KMT5B: variants seen among roughly 807,000 people sequenced by gnomAD.
The protein encoded by KMT5B is histone-lysine N-methyltransferase KMT5B.
A neutral mutation model predicts 83.2 loss-of-function variants in KMT5B; 10 were observed. That is an observed-to-expected ratio of 0.12 (90% CI 0.07 to 0.20). The LOEUF (loss-of-function observed/expected upper bound fraction) is 0.20, where lower values mean the gene tolerates loss of function less well. Among genes scored for constraint, KMT5B ranks in the 10% least tolerant of loss-of-function variants. KMT5B has a pLI of 1.00. For synonymous variants in KMT5B, 349 were observed against 388.8 expected (o/e 0.90, Z 1.20); for missense variants, 753 against 1,067.2 (o/e 0.71, Z 4.10).
chr11:68,168,863 G>A (rs1855572933), intron 9 of KMT5B, among the ~76,000 whole-genome samples: 1 of 152,088 alleles, frequency 6.6e-6, no homozygotes, highest in South Asian at 2.1e-4. Flanking sequence ...TCACTGAACT[G>A]CCCTGACAGC....
Position 68,159,062 on chromosome 11 carries a change from C to T in KMT5B, c.1284G>A (p.Lys428=), listed in dbSNP as rs922710641. The T allele has an allele frequency of 1.9e-6, 3 of 1,612,890 alleles. No individual in the cohort carries two copies. The highest frequency in any genetic ancestry group is 2.5e-6 in the Non-Finnish European group (3 of 1,179,836). Residue 428 remains lysine, a synonymous_variant, in exon 11 of 11, where the codon AAG becomes AAA. Coordinates refer to ENST00000304363, the MANE Select transcript of KMT5B (RefSeq NM_017635.5). Reference sequence around the variant, plus strand: ...CCCTGGAATTATTTATATGAGTTAGCTTAGATGAGGTAGAGTTGGAAGAAG... The same window carrying T: ...CCCTGGAATTATTTATATGAGTTAGTTTAGATGAGGTAGAGTTGGAAGAAG... ...IPASSNSTSS[K]LTHINNSRVP...
At position 68,157,912 on chromosome 11, in the gene KMT5B, G is replaced by A. The variant is rs1565212298; in HGVS notation, c.2434C>T (p.Arg812Ter). The change falls in exon 11 of 11, where the codon CGA becomes TGA. Residue 812 changes from arginine to a stop codon, truncating the protein, a stop_gained. Transcript: ENST00000304363. LOFTEE classifies it high-confidence loss of function. ...TGACTATAGTCATCCACCTCCATTC[G>A]AGACTCCAAGAGAGAAAGAGGATCA... ...CSDPLSLLESRMEVDDYSQYE... is the reference protein window; with the variant it reads ...CSDPLSLLES The A allele has an allele frequency of 6.2e-7, 1 of 1,613,912 alleles. No individual in the cohort carries two copies.
chr11:68,187,612 T>C (rs1484584285), intron 2 of KMT5B, among the ~76,000 whole-genome samples: 2 of 152,230 alleles, frequency 1.3e-5, no homozygotes, highest in Non-Finnish European at 2.9e-5. Flanking sequence ...ATATGTTCTA[T>C]CCTGGAATGC....
intron 1 of KMT5B, among the ~76,000 whole-genome samples, chr11:68,199,339 T>C (rs1859128319): frequency 6.6e-6 from 1 of 151,886 alleles, no homozygotes; most frequent in Non-Finnish European, 1.5e-5. Flanking sequence ...GTGTTTCAGG[T>C]GGAGAAGGAG....
At chr11:68,180,007 G>T in intron 4 of KMT5B, 125 bp downstream of exon 4, 1 of 1,144,834 alleles carries the variant, frequency 8.7e-7, no homozygotes, top group Non-Finnish European at 1.2e-6. Flanking sequence ...TACTTTAAAA[G>T]GTTTGTAAAA....
In KMT5B at chr11:68,171,785, G is replaced by T. The variant is rs750168122; in HGVS notation, c.654-76C>A. On this transcript the variant is annotated intron_variant, in intron 6 of 10. Coordinates refer to ENST00000304363, the MANE Select transcript of KMT5B (RefSeq NM_017635.5). The surrounding 1 kb of genome is among the most constrained non-coding windows in gnomAD (Gnocchi z 5.1). ...AGGCTTCTTTTAATAAAATAATCCT[G>T]ACAATAAATATCAGAAACTGAAAAG... 2 of 1,203,312 alleles carry T rather than the reference G, an allele frequency of 1.7e-6. No individual in the cohort carries two copies. Among genetic ancestry groups the T allele is most frequent in the Non-Finnish European group, 2.3e-6 (2 of 854,374 alleles). 74.5% of individuals were successfully genotyped at this position (1,203,312 alleles called of 1,614,324 possible). A position where few individuals can be genotyped will look rare whatever the true frequency, so the allele number is the denominator to read the frequency against.
intron 1 of KMT5B, among the ~76,000 whole-genome samples, chr11:68,198,133 C>T (rs1481831247): frequency 6.6e-6 from 1 of 152,154 alleles, no homozygotes; most frequent in Non-Finnish European, 1.5e-5. Context: ...GAAAACATCC[C>T]AGCACTTTGG....
In KMT5B at chr11:68,213,222, C is replaced by A. The variant is rs1267644061; in HGVS notation, c.-161G>T. 6.9e-6 allele frequency: 1 copy of A among 145,840 alleles called. No homozygotes were observed. The highest frequency in any genetic ancestry group is 2.0e-4 in the East Asian group (1 of 5,064). The allele number at this position is 145,840 out of a possible 1,614,324, so 9.0% of individuals were successfully genotyped here. On this transcript the variant is annotated 5_prime_UTR_variant, in exon 1 of 11. Coordinates refer to ENST00000304363, the MANE Select transcript of KMT5B (RefSeq NM_017635.5). ...CGATGCGGGGCCGCGCCGCCGGGCC[C>A]CGCGTCCCAGTCCCCCCCAGAAAAT... is the stretch of plus-strand genomic sequence containing the variant.
intron 1 of KMT5B, among the ~76,000 whole-genome samples, chr11:68,204,324 T>C (rs141491282): frequency 6.6e-6 from 1 of 152,194 alleles, no homozygotes; most frequent in Non-Finnish European, 1.5e-5. Flanking sequence ...GAAGATGTTA[T>C]AAAAAATTTT....
Position 68,157,611 on chromosome 11 carries a change from T to C in KMT5B, c.*77A>G. On this transcript the variant is annotated 3_prime_UTR_variant, in exon 11 of 11. Coordinates refer to ENST00000304363, the MANE Select transcript of KMT5B (RefSeq NM_017635.5). Reference sequence around the variant, plus strand: ...GACAATAGAAGTGCTGCCACTAAACTTTCAGTTGAGGAATAATTGACTGGA... The same window carrying C: ...GACAATAGAAGTGCTGCCACTAAACCTTCAGTTGAGGAATAATTGACTGGA... 1 of 1,484,864 alleles carries C rather than the reference T, an allele frequency of 6.7e-7. No individual in the cohort carries two copies. The highest frequency in any genetic ancestry group is 8.9e-7 in the Non-Finnish European group (1 of 1,123,294). The allele number at this position is 1,484,864 out of a possible 1,614,324, so 92.0% of individuals were successfully genotyped here.
chr11:68,213,509 C>G (rs1489249483), upstream of KMT5B: 1 of 151,368 alleles, frequency 6.6e-6, no homozygotes, highest in East Asian at 2.0e-4. Flanking sequence ...GTACGAAAAC[C>G]GTCCGCCGGC....
At chr11:68,174,786 T>TCCCATCTTAGCC (rs1291198895) in intron 5 of KMT5B, among the ~76,000 whole-genome samples, 1 of 152,096 alleles carries the variant, frequency 6.6e-6, no homozygotes, top group Non-Finnish European at 1.5e-5. Context: ...CAAGCAATAC[T>TCCCATCTTAGCC]CCCATCTTAG....
chr11:68,210,862 C>T (rs1860807753), intron 1 of KMT5B, among the ~76,000 whole-genome samples: 1 of 152,156 alleles, frequency 6.6e-6, no homozygotes, highest in Non-Finnish European at 1.5e-5. Context: ...AACTCCTGAC[C>T]ACGGAGAAGG....
chr11:68,157,352 T>TA lies in KMT5B; in HGVS notation c.*335dup, dbSNP rs1027210191. The TA allele has an allele frequency of 7.9e-5, 15 of 190,568 alleles. No homozygotes were observed. The highest frequency in any genetic ancestry group is 1.9e-4 in the African/African-American group (8 of 43,038). The allele number at this position is 190,568 out of a possible 1,614,324, so 11.8% of individuals were successfully genotyped here. ...ATATTAAAGAGCCAGCTGATGCTCT[T>TA]ACAGTTAAAAAAACTGTGTAGCCAC... On this transcript the variant is annotated 3_prime_UTR_variant, in exon 11 of 11. Coordinates refer to ENST00000304363, the MANE Select transcript of KMT5B (RefSeq NM_017635.5).
chr11:68,174,100 C>A (rs1856109086), intron 5 of KMT5B, 187 bp from the exon 6 acceptor site: 7 of 645,112 alleles, frequency 1.1e-5, no homozygotes, highest in Non-Finnish European at 2.0e-5. Flanking sequence ...TTAGTGCCAG[C>A]TACGTGGGAG....
chr11:68,205,844 T>C (rs1307703730), intron 1 of KMT5B, among the ~76,000 whole-genome samples: 3 of 151,788 alleles, frequency 2.0e-5, no homozygotes, highest in Admixed American at 1.3e-4. Context: ...ATGGTCTCAA[T>C]CTCCTGACCT....
intron 4 of KMT5B, chr11:68,179,640 G>C: frequency 8.2e-7 from 1 of 1,224,642 alleles, no homozygotes; most frequent in Non-Finnish European, 1.1e-6. Context: ...GAACAGGAAG[G>C]GGAACAGAAA....
chr11:68,209,031 G>A (rs946488030), intron 1 of KMT5B, among the ~76,000 whole-genome samples: 19 of 152,176 alleles, frequency 1.2e-4, no homozygotes, highest in Admixed American at 1.2e-3. Context: ...ACTGGCTGAA[G>A]GATCAAGCCC....
At chr11:68,212,951 C>T (rs1861132795) in intron 1 of KMT5B, among the ~76,000 whole-genome samples, 187 bp downstream of exon 1, 1 of 144,682 alleles carries the variant, frequency 6.9e-6, no homozygotes, top group Non-Finnish European at 1.5e-5. Flanking sequence ...CGCGCCGGCC[C>T]CGCACCGGCC....
Sources: gnomAD v4.1 joint callset for allele counts (sites outside exome capture counted in the v4.1 genomes callset) on GRCh38, gnomAD v4.1.1 for gene constraint, Gnocchi (gnomAD v3.1) non-coding constraint, MANE v1.5 for transcripts, NCBI Gene and HGNC (gene_info 2026-07-23, HGNC 2026-07-21) for gene names.